The following TXNDC8 variants were observed in gnomAD, a reference collection of about 807,000 sequenced individuals.
TXNDC8 encodes thioredoxin domain-containing protein 8.
Under a neutral mutation model 12.9 loss-of-function variants are expected in TXNDC8, and 15 were observed. The observed-to-expected ratio is 1.16, with a 90% CI of 0.78 to 1.79. The LOEUF (loss-of-function observed/expected upper bound fraction) is 1.79. Ranked by LOEUF, TXNDC8 falls within the 40% of genes most tolerant of loss-of-function variation. TXNDC8 has a pLI of 0.00. For synonymous variants in TXNDC8, 40 were observed against 35.4 expected (o/e 1.13, Z -0.46); for missense variants, 128 against 113.2 (o/e 1.13, Z -0.59).
chr9:110,325,727 G>A (rs769996168), intron 3 of TXNDC8, among the ~76,000 whole-genome samples: 1 of 152,074 alleles, frequency 6.6e-6, no homozygotes, highest in Non-Finnish European at 1.5e-5. Flanking sequence ...CACTGTGTTA[G>A]CCAGGATGGT....
At chr9:110,325,416 C>T (rs1290686598) in intron 3 of TXNDC8, among the ~76,000 whole-genome samples, 1 of 151,978 alleles carries the variant, frequency 6.6e-6, no homozygotes, top group Non-Finnish European at 1.5e-5. Context: ...ATCATGGGAA[C>T]CTGAATCCCG....
intron 3 of TXNDC8, among the ~76,000 whole-genome samples, chr9:110,315,681 A>AT (rs398046800): frequency 0.11 from 16,294 of 143,594 alleles, 1,012 homozygotes; most frequent in African/African-American, 0.17. Flanking sequence ...TAATTTTTGT[A>AT]TTTTTTTTTT....
chr9:110,319,680 A>C (rs1839018477), intron 3 of TXNDC8, among the ~76,000 whole-genome samples: 1 of 152,234 alleles, frequency 6.6e-6, no homozygotes, highest in Non-Finnish European at 1.5e-5. Context: ...AACAGAGAGA[A>C]GTTGGGAACG....
chr9:110,303,748 A>T (rs183266864), intron 4 of TXNDC8, 165 bp from the exon 6 acceptor site: 2 of 1,491,618 alleles, frequency 1.3e-6, no homozygotes, highest in African/African-American at 2.9e-5. Flanking sequence ...TAAATTCATA[A>T]TATTTTCATA....
At chr9:110,311,062 C>A (rs911141609) in intron 3 of TXNDC8, among the ~76,000 whole-genome samples, 1 of 152,192 alleles carries the variant, frequency 6.6e-6, no homozygotes, top group Non-Finnish European at 1.5e-5. Context: ...AAGTTCCTCC[C>A]AAAGTTAGTT....
intron 3 of TXNDC8, chr9:110,323,305 A>G (rs1001061713): frequency 5.5e-5 from 54 of 985,346 alleles, no homozygotes; most frequent in Admixed American, 1.2e-4. Flanking sequence ...TTTGACTATA[A>G]CAGGAGACAA....
intron 3 of TXNDC8, among the ~76,000 whole-genome samples, chr9:110,310,584 A>G (rs1288609422): frequency 1.3e-5 from 2 of 152,226 alleles, no homozygotes; most frequent in Admixed American, 6.5e-5. Context: ...GCTCTAATTA[A>G]TTGGCTTAAG....
At chr9:110,312,070 A>C (rs1407641844) in intron 3 of TXNDC8, among the ~76,000 whole-genome samples, 3 of 151,924 alleles carry the variant, frequency 2.0e-5, no homozygotes, top group Admixed American at 6.6e-5. Flanking sequence ...CTAAAAAAAA[A>C]CCGAAGTAAT....
At chr9:110,335,532 T>C (rs2118884708) in intron 1 of TXNDC8, among the ~76,000 whole-genome samples, 1 of 152,354 alleles carries the variant, frequency 6.6e-6, no homozygotes, top group Middle Eastern at 3.4e-3. Context: ...CCATAATCTT[T>C]ACAACAACAC....
At chr9:110,314,122 TC>T (rs1452951957) in intron 3 of TXNDC8, among the ~76,000 whole-genome samples, 1 of 152,170 alleles carries the variant, frequency 6.6e-6, no homozygotes, top group Non-Finnish European at 1.5e-5. Flanking sequence ...CTGAGATAAA[TC>T]CAAATCTGAT....
At chr9:110,315,334 G>A (rs1381986006) in intron 3 of TXNDC8, among the ~76,000 whole-genome samples, 1 of 152,088 alleles carries the variant, frequency 6.6e-6, no homozygotes, top group Admixed American at 6.6e-5. Flanking sequence ...CTGACCTCAG[G>A]TAATCCACCC....
intron 3 of TXNDC8, among the ~76,000 whole-genome samples, chr9:110,319,765 A>G (rs936207110): frequency 6.6e-6 from 1 of 152,216 alleles, no homozygotes; most frequent in Non-Finnish European, 1.5e-5. Flanking sequence ...TTGAAGAAAC[A>G]GAGTGTGTGA....
Position 110,303,644 on chromosome 9 carries a change from G to T in TXNDC8, c.*38C>A. The stretch of plus-strand genomic sequence containing the variant: ...ATTCAAGTGCTGCGAAAATGTTGAG[G>T]CTTTAAGGAATTTTATTCCTGATTG... On this transcript the variant is annotated 3_prime_UTR_variant, in exon 5 of 5. Coordinates refer to ENST00000423740, the MANE Select transcript of TXNDC8 (RefSeq NM_001286946.2). The T allele has an allele frequency of 6.3e-7, 1 of 1,594,260 alleles. No homozygotes were observed. Among genetic ancestry groups the T allele is most frequent in the Admixed American group, 1.7e-5 (1 of 59,076 alleles).
chr9:110,302,955 G>A (rs150252421), downstream of TXNDC8, among the ~76,000 whole-genome samples: 409 of 152,074 alleles, frequency 2.7e-3, 2 homozygotes, highest in African/African-American at 9.1e-3. Context: ...TCCTAGCTAC[G>A]CAGGTGGCTG....
At chr9:110,311,975 A>G (rs1410320022) in intron 3 of TXNDC8, among the ~76,000 whole-genome samples, 2 of 150,994 alleles carry the variant, frequency 1.3e-5, no homozygotes, top group South Asian at 2.1e-4. Flanking sequence ...CGCAACCTCC[A>G]CCTCCCAGGT....
downstream of TXNDC8, among the ~76,000 whole-genome samples, chr9:110,301,408 A>G (rs1838268655): frequency 1.3e-5 from 2 of 152,262 alleles, no homozygotes; most frequent in African/African-American, 4.8e-5. Context: ...GATTTTTATC[A>G]GACAACTTTT....
intron 3 of TXNDC8, among the ~76,000 whole-genome samples, chr9:110,317,443 A>T (rs944094999): frequency 2.6e-5 from 4 of 152,162 alleles, no homozygotes; most frequent in African/African-American, 9.7e-5. Context: ...CCTTTTGGGG[A>T]TGCTCTGCTC....
chr9:110,336,055 T>G (rs2118887870), intron 1 of TXNDC8, among the ~76,000 whole-genome samples: 1 of 152,274 alleles, frequency 6.6e-6, no homozygotes, highest in Admixed American at 6.5e-5. Context: ...AAAGGGCAGT[T>G]CCCCTGCACA....
At chr9:110,304,218 T>C (rs1015145137) in intron 4 of TXNDC8, among the ~76,000 whole-genome samples, 4 of 152,080 alleles carry the variant, frequency 2.6e-5, no homozygotes, top group Non-Finnish European at 5.9e-5. Flanking sequence ...GAGGTTGGGA[T>C]TGGGTGAAAA....
Sources: gnomAD v4.1 joint callset for allele counts (sites outside exome capture counted in the v4.1 genomes callset) on GRCh38, gnomAD v4.1.1 for gene constraint, MANE v1.5 for transcripts, NCBI Gene and HGNC (gene_info 2026-07-23, HGNC 2026-07-21) for gene names.